Variants in SACS observed in about 807,000 individuals in gnomAD.
The protein encoded by SACS is sacsin.
In SACS, 197 loss-of-function variants were observed where a neutral mutation model predicts 348.0. The ratio of observed to expected loss-of-function variants is 0.57; its 90% CI spans 0.50 to 0.64. SACS has a LOEUF of 0.64. Ranked by LOEUF, SACS falls within the 30% of genes least tolerant of loss-of-function variation. The pLI is 0.00. For synonymous variants in SACS, 1,985 were observed against 1,910.6 expected, an observed-to-expected ratio of 1.04 and a Z score of -1.02; for missense variants, 4,999 against 5,360.8, an observed-to-expected ratio of 0.93 and a Z score of 2.11.
chr13:23,420,701 T>G lies in SACS; in HGVS notation c.-501-8961A>C, dbSNP rs1007470846. 4.3e-4 allele frequency among the ~76,000 whole-genome samples: 66 copies of G among 151,838 alleles called. 1 individual carries two copies. Among genetic ancestry groups the G allele is most frequent in the African/African-American group, 1.5e-3 (62 of 41,372 alleles). On this transcript the variant is annotated intron_variant, in intron 1 of 9. Transcript: ENST00000382292. The stretch of plus-strand genomic sequence containing the variant: ...GATGTCCACCTGGGGCTTGAGTGTT[T>G]CCCGGTGCCTGAGGACTTCCTGGGC...
intron 9 of SACS, among the ~76,000 whole-genome samples, chr13:23,351,151 A>C (rs932881635): frequency 6.6e-6 from 1 of 152,244 alleles, no homozygotes; most frequent in African/African-American, 2.4e-5. Context: ...GCAAGGTGTC[A>C]CTTACTGGTT....
At chr13:23,425,843 G>A (rs531835348) in intron 1 of SACS, among the ~76,000 whole-genome samples, 1 of 152,198 alleles carries the variant, frequency 6.6e-6, no homozygotes, top group African/African-American at 2.4e-5. Context: ...GCCGCCGGGG[G>A]TCTGTGTGAC....
chr13:23,358,237 G>A (rs765484300), intron 7 of SACS, 98 bp downstream of exon 7: 101 of 1,301,266 alleles, frequency 7.8e-5, no homozygotes, highest in Non-Finnish European at 1.0e-4. Flanking sequence ...GGGTAAGATG[G>A]CTTTTAAACA....
At chr13:23,377,867 A>G (rs1871878259) in intron 2 of SACS, among the ~76,000 whole-genome samples, 1 of 152,228 alleles carries the variant, frequency 6.6e-6, no homozygotes, top group Non-Finnish European at 1.5e-5. Flanking sequence ...TGCCTGGCAC[A>G]GAGTAGTCCC....
chr13:23,375,466 C>G (rs1209250284), intron 2 of SACS, 197 bp from the exon 3 acceptor site: 9 of 1,169,694 alleles, frequency 7.7e-6, no homozygotes, highest in Non-Finnish European at 8.4e-6. Context: ...AGGGCGGGAT[C>G]CGCATGGCGC....
intron 9 of SACS, among the ~76,000 whole-genome samples, chr13:23,342,574 AT>A (rs1869336420): frequency 6.6e-6 from 1 of 152,232 alleles, no homozygotes; most frequent in African/African-American, 2.4e-5. Context: ...AAATGCTCCA[AT>A]GAGCATTTCT....
chr13:23,353,325 G>C (rs191699262), intron 9 of SACS, among the ~76,000 whole-genome samples: 5 of 152,278 alleles, frequency 3.3e-5, no homozygotes, highest in Admixed American at 3.3e-4. Context: ...ACCATGGAGG[G>C]GCAGTGGTGT....
At chr13:23,407,152 A>G (rs144086810) in intron 2 of SACS, among the ~76,000 whole-genome samples, 309 of 152,252 alleles carry the variant, frequency 2.0e-3, no homozygotes, top group African/African-American at 7.1e-3. Flanking sequence ...TAGACTCAGA[A>G]ACTGAGTTTA....
At chr13:23,432,877 C>A (rs1274106454) in intron 1 of SACS, among the ~76,000 whole-genome samples, 1 of 152,016 alleles carries the variant, frequency 6.6e-6, no homozygotes, top group Admixed American at 6.6e-5. Context: ...AAAGCCAAAA[C>A]AATTGATATG....
chr13:23,397,764 G>T (rs1440650749), intron 2 of SACS, among the ~76,000 whole-genome samples: 1 of 152,190 alleles, frequency 6.6e-6, no homozygotes, highest in Non-Finnish European at 1.5e-5. Context: ...TATTTGAAGA[G>T]ATTTATTATG....
intron 2 of SACS, among the ~76,000 whole-genome samples, chr13:23,408,948 C>CAAGACTCCATCTCAAAAAAAATAAAA (rs1873352807): frequency 6.9e-6 from 1 of 144,694 alleles, no homozygotes. Flanking sequence ...GGCGACAGAG[C>CAAGACTCCATCTCAAAAAAAATAAAA]AAGACTCCGT....
chr13:23,394,114 ACCACG>A (rs1297207167), intron 2 of SACS, among the ~76,000 whole-genome samples: 1 of 152,168 alleles, frequency 6.6e-6, no homozygotes, highest in Non-Finnish European at 1.5e-5. Context: ...AAGCGAACCA[ACCACG>A]TGATTAATGG....
chr13:23,418,311 A>T (rs1204852598), intron 1 of SACS, among the ~76,000 whole-genome samples: 1 of 152,208 alleles, frequency 6.6e-6, no homozygotes, highest in Non-Finnish European at 1.5e-5. Flanking sequence ...TACAAAGACT[A>T]TCTCTGCTTG....
At chr13:23,352,418 T>G (rs556723777) in intron 9 of SACS, among the ~76,000 whole-genome samples, 1 of 152,330 alleles carries the variant, frequency 6.6e-6, no homozygotes, top group Middle Eastern at 3.4e-3. Context: ...AAAGCCAGTG[T>G]CATGGCTACC....
rs899617205 is a variant in SACS, at chr13:23,338,026, A to G, written c.5850T>C (p.Asp1950=). Residue 1950 remains aspartate, a synonymous_variant, in exon 10 of 10, where the codon GAT becomes GAC. Coordinates refer to ENST00000382292, the MANE Select transcript of SACS (RefSeq NM_014363.6). ...YTYYAVWPDP[D]LVHDDFSVIC... ...TTACAGAAAAATCATCATGAACTAA[A>G]TCAGGATCGGGCCATACTGCATAGT... is the stretch of plus-strand genomic sequence containing the variant. 1 of 1,613,896 alleles carries G rather than the reference A, an allele frequency of 6.2e-7. No individual in the cohort carries two copies. Among genetic ancestry groups the G allele is most frequent in the East Asian group, 2.2e-5 (1 of 44,870 alleles).
chr13:23,333,201 G>C lies in SACS; in HGVS notation c.10675C>G (p.Pro3559Ala), dbSNP rs767704103. The C allele has an allele frequency of 6.3e-7, 1 of 1,598,660 alleles. No homozygotes were observed. Among genetic ancestry groups the C allele is most frequent in the Non-Finnish European group, 8.5e-7 (1 of 1,173,652 alleles). Reference protein sequence around the residue: ...EVMLPEKLFIPNDFFKKLEQL... With the variant: ...EVMLPEKLFIANDFFKKLEQL... ...TCCAATTTCTTAAAGAAATCATTAG[G>C]AATAAACAATTTTTCAGGAAGCATA... Residue 3559 changes from proline to alanine, a missense_variant, in exon 10 of 10, where the codon CCT (proline) becomes GCT (alanine). Coordinates refer to ENST00000382292, the MANE Select transcript of SACS (RefSeq NM_014363.6).
rs551243404 is a variant in SACS, at chr13:23,393,917, C to T, written c.20+17303G>A. On this transcript the variant is annotated intron_variant, in intron 2 of 9. Transcript: ENST00000382292. ...CTGGGACTACAGGCGCCTGCCACCG[C>T]GCCCGGCTAATTTTTTGTATTTTTA... Among the ~76,000 whole-genome samples, 9 of 152,222 alleles carry T rather than the reference C, an allele frequency of 5.9e-5. No individual in the cohort carries two copies. In the East Asian group the frequency reaches 7.7e-4, roughly 13 times the overall value.
chr13:23,415,918 A>G (rs1488380396), intron 1 of SACS, among the ~76,000 whole-genome samples: 1 of 152,214 alleles, frequency 6.6e-6, no homozygotes, highest in African/African-American at 2.4e-5. Context: ...GAAAATGTAT[A>G]TCCTTTAATG....
chr13:23,334,920 G>C lies in SACS; in HGVS notation c.8956C>G (p.His2986Asp), dbSNP rs751888795. 16 of 1,613,740 alleles carry C rather than the reference G, an allele frequency of 9.9e-6. No individual in the cohort carries two copies. Among genetic ancestry groups the C allele is most frequent in the Middle Eastern group, 3.3e-4 (2 of 6,084 alleles). Reference protein sequence around the residue: ...CLVKALYNCIHEDMKRLLPVV... With the variant: ...CLVKALYNCIDEDMKRLLPVV... ...GGTAAAAGACGTTTCATGTCTTCGT[G>C]AATGCAATTGTAAAGTGCTTTCACT... The change falls in exon 10 of 10, where the codon CAC becomes GAC. Residue 2986 changes from histidine (H) to aspartate (D), a missense_variant. His to Asp is a moderately conservative substitution (Grantham distance 81). This residue lies in a region of SACS where 734 missense variants were observed against 694.0 expected (regional missense o/e 1.06). Coordinates refer to ENST00000382292, the MANE Select transcript of SACS (RefSeq NM_014363.6).
Sources: allele counts gnomAD v4.1 joint callset (sites outside exome capture counted in the v4.1 genomes callset), GRCh38; gene constraint gnomAD v4.1.1; regional missense constraint gnomAD v4.1.1; transcripts MANE v1.5; gene names NCBI Gene and HGNC (gene_info 2026-07-23, HGNC 2026-07-21).